Variants in MBD5 observed in about 807,000 individuals in gnomAD.
MBD5 encodes methyl-CpG-binding domain protein 5.
MBD5 carries 13 observed loss-of-function variants against 117.3 expected under a neutral mutation model. The ratio of observed to expected loss-of-function variants is 0.11; its 90% CI spans 0.07 to 0.18. MBD5 has a LOEUF of 0.18. Ranked by LOEUF, MBD5 falls within the 10% of genes least tolerant of loss-of-function variation. The pLI is 1.00. For missense variants in MBD5, 1,879 were observed against 2,093.8 expected (o/e 0.90, Z 2.00); for synonymous variants, 727 against 766.4 (o/e 0.95, Z 0.85).
chr2:148,090,665 A>G (rs1409637622), intron 1 of MBD5, among the ~76,000 whole-genome samples: 1 of 152,134 alleles, frequency 6.6e-6, no homozygotes, highest in African/African-American at 2.4e-5. Flanking sequence ...TAAAATCCTC[A>G]CCAAAGACAG....
rs117453045 is a variant in MBD5, at chr2:148,121,230, T to G, written c.-924-57470T>G. Among the ~76,000 whole-genome samples the G allele has an allele frequency of 2.3e-3, 345 of 152,288 alleles. 10 individuals carry two copies. The East Asian group carries it at 0.033, about 15-fold the overall frequency. On this transcript the variant is annotated intron_variant, in intron 1 of 13. Coordinates refer to ENST00000642680, the MANE Select transcript of MBD5 (RefSeq NM_001378120.1). ...TTGTAAAGATTTAACTATTTACAAG[T>G]AAAAGATTTAGAGTAGCAGTTGACA...
chr2:148,185,644 A>T (rs1331679007), intron 2 of MBD5, among the ~76,000 whole-genome samples: 1 of 152,158 alleles, frequency 6.6e-6, no homozygotes, highest in African/African-American at 2.4e-5. Flanking sequence ...GCTCATGTCT[A>T]TAATCCCAAC....
intron 4 of MBD5, among the ~76,000 whole-genome samples, chr2:148,407,152 A>G (rs375715478): frequency 2.0e-5 from 3 of 152,254 alleles, no homozygotes; most frequent in Admixed American, 1.3e-4. Context: ...CTGATTCAGT[A>G]TGAACCAATA....
chr2:148,049,208 C>T (rs1039260049), intron 1 of MBD5, among the ~76,000 whole-genome samples: 1 of 152,144 alleles, frequency 6.6e-6, no homozygotes, highest in Non-Finnish European at 1.5e-5. Context: ...AGTGATTGTA[C>T]CCAGAAACTG....
At chr2:148,474,662 A>G (rs913044970) in intron 8 of MBD5, among the ~76,000 whole-genome samples, 9 of 152,180 alleles carry the variant, frequency 5.9e-5, no homozygotes, top group Non-Finnish European at 1.0e-4. Context: ...TCTTAAAGAT[A>G]TACATGACAA....
chr2:148,158,446 A>G (rs1220366154), intron 1 of MBD5, among the ~76,000 whole-genome samples: 1 of 152,184 alleles, frequency 6.6e-6, no homozygotes, highest in East Asian at 1.9e-4. Context: ...ACTTTTGGCC[A>G]TTTGGGACTC....
At chr2:148,499,948 G>A (rs906987120) in intron 11 of MBD5, among the ~76,000 whole-genome samples, 1 of 152,068 alleles carries the variant, frequency 6.6e-6, no homozygotes, top group Non-Finnish European at 1.5e-5. Context: ...TTCTGAATAT[G>A]TATGATCTTG....
At chr2:148,287,216 A>C (rs559518388) in intron 3 of MBD5, among the ~76,000 whole-genome samples, 1 of 152,286 alleles carries the variant, frequency 6.6e-6, no homozygotes, top group South Asian at 2.1e-4. Flanking sequence ...GTAGTGTTCA[A>C]ATATAATTTT....
Position 148,229,420 on chromosome 2 carries a change from C to G in MBD5, c.-830-3825C>G, listed in dbSNP as rs530271319. On this transcript the variant is annotated intron_variant, in intron 2 of 13. Coordinates refer to ENST00000642680, the MANE Select transcript of MBD5 (RefSeq NM_001378120.1). The stretch of plus-strand genomic sequence containing the variant: ...TCTGTGTTATCTTGAATTTCTTTGA[C>G]TTTCCTCAGCACAGCCATTTTGAAT... 1.6e-4 allele frequency among the ~76,000 whole-genome samples: 25 copies of G among 152,236 alleles called. No individual in the cohort carries two copies. The East Asian group carries it at 3.7e-3, about 22-fold the overall frequency.
At chr2:148,023,547 T>C (rs541378116) in intron 1 of MBD5, among the ~76,000 whole-genome samples, 1 of 152,308 alleles carries the variant, frequency 6.6e-6, no homozygotes, top group East Asian at 1.9e-4. Context: ...AGTTCAAGTT[T>C]TTCTCCCAAC....
intron 3 of MBD5, among the ~76,000 whole-genome samples, chr2:148,321,485 G>A (rs918019161): frequency 1.3e-5 from 2 of 152,106 alleles, no homozygotes; most frequent in African/African-American, 4.8e-5. Flanking sequence ...GGCCATTTTT[G>A]TGGTATCTGT....
intron 2 of MBD5, among the ~76,000 whole-genome samples, chr2:148,189,162 C>T (rs1166310453): frequency 1.4e-5 from 2 of 146,738 alleles, no homozygotes; most frequent in African/African-American, 2.6e-5. Context: ...AACTGCAAGG[C>T]GGCAACGAGG....
chr2:148,322,041 T>C (rs1702295663), intron 3 of MBD5, among the ~76,000 whole-genome samples: 1 of 152,234 alleles, frequency 6.6e-6, no homozygotes, highest in African/African-American at 2.4e-5. Flanking sequence ...CACACAATTG[T>C]TGTGCATGTA....
chr2:148,154,595 T>A (rs4383275), intron 1 of MBD5, among the ~76,000 whole-genome samples: 61 of 152,288 alleles, frequency 4.0e-4, no homozygotes, highest in Non-Finnish European at 6.6e-4. Context: ...CTCCCTGGGC[T>A]TAGGACCCTC....
At chr2:148,486,247 C>T (rs1024610784) in intron 10 of MBD5, among the ~76,000 whole-genome samples, 1 of 152,132 alleles carries the variant, frequency 6.6e-6, no homozygotes, top group Non-Finnish European at 1.5e-5. Context: ...ACTCACCTCC[C>T]TTGCATGCCC....
intron 1 of MBD5, among the ~76,000 whole-genome samples, chr2:148,096,679 T>C (rs1696078145): frequency 6.6e-6 from 1 of 152,202 alleles, no homozygotes; most frequent in African/African-American, 2.4e-5. Flanking sequence ...AAATCAGTGC[T>C]ATGTCCCCAT....
chr2:148,060,255 GC>G (rs1430952090), intron 1 of MBD5, among the ~76,000 whole-genome samples: 1 of 149,648 alleles, frequency 6.7e-6, no homozygotes, highest in Non-Finnish European at 1.5e-5. Flanking sequence ...GCTGCGATGA[GC>G]TTTGAACACA....
At chr2:148,220,897 G>C (rs1699671339) in intron 2 of MBD5, among the ~76,000 whole-genome samples, 1 of 151,892 alleles carries the variant, frequency 6.6e-6, no homozygotes, top group Non-Finnish European at 1.5e-5. Context: ...AGGAGTTTTT[G>C]TACCCATTAA....
chr2:148,093,837 T>A (rs532433398), intron 1 of MBD5, among the ~76,000 whole-genome samples: 1 of 152,212 alleles, frequency 6.6e-6, no homozygotes, highest in Non-Finnish European at 1.5e-5. Flanking sequence ...TTTGTTGTTT[T>A]GAGATGACGA....
Sources: gnomAD v4.1 joint callset for allele counts (sites outside exome capture counted in the v4.1 genomes callset) on GRCh38, gnomAD v4.1.1 for gene constraint, MANE v1.5 for transcripts, NCBI Gene and HGNC (gene_info 2026-07-23, HGNC 2026-07-21) for gene names.